SCFD2: variants seen among roughly 807,000 people sequenced by gnomAD.
The protein encoded by SCFD2 is sec1 family domain containing 2, also known as sec1 family domain-containing protein 2.
In SCFD2, 54 loss-of-function variants were observed where a neutral mutation model predicts 58.9. The ratio of observed to expected loss-of-function variants is 0.92; its 90% CI spans 0.74 to 1.15. SCFD2 has a LOEUF of 1.15. Among genes scored for constraint, SCFD2 ranks in the 50% most tolerant of loss-of-function variants. SCFD2 has a pLI of 0.00. For synonymous variants in SCFD2, 321 were observed against 335.9 expected, an observed-to-expected ratio of 0.96 and a Z score of 0.49; for missense variants, 805 against 836.6, an observed-to-expected ratio of 0.96 and a Z score of 0.47.
At chr4:53,035,996 A>G (rs1330535549) in intron 5 of SCFD2, among the ~76,000 whole-genome samples, 1 of 152,162 alleles carries the variant, frequency 6.6e-6, no homozygotes, top group Non-Finnish European at 1.5e-5. Flanking sequence ...AAGGATTATA[A>G]ATCATTCTAC....
intron 4 of SCFD2, among the ~76,000 whole-genome samples, chr4:53,207,984 G>A (rs1169212829): frequency 2.0e-5 from 3 of 148,052 alleles, no homozygotes; most frequent in African/African-American, 5.0e-5. Context: ...CCCATACAAA[G>A]TCTAGCTCTA....
intron 4 of SCFD2, among the ~76,000 whole-genome samples, chr4:53,260,283 G>C (rs1182455623): frequency 6.6e-6 from 1 of 152,110 alleles, no homozygotes; most frequent in Non-Finnish European, 1.5e-5. Flanking sequence ...GAAGTGATGA[G>C]AGTGTGTATC....
At chr4:52,891,397 G>A (rs1718873823) in intron 7 of SCFD2, among the ~76,000 whole-genome samples, 2 of 152,174 alleles carry the variant, frequency 1.3e-5, no homozygotes, top group South Asian at 4.1e-4. Context: ...AGGAAAATCA[G>A]GTGGGGGAGG....
At chr4:53,238,000 G>A (rs1729717217) in intron 4 of SCFD2, among the ~76,000 whole-genome samples, 2 of 133,460 alleles carry the variant, frequency 1.5e-5, no homozygotes, top group African/African-American at 2.9e-5. Flanking sequence ...GGCCGGGCAG[G>A]GGGCTGATCC....
rs1164173493 is a variant in SCFD2 at position 53,145,406 on chromosome 4, T to C, written c.1488A>G (p.Glu496=). Reference sequence around the variant, plus strand: ...CCTGAGCCAATGCTTTCTTGACTTTTTCTTCTGCTTCACACAGGTCTTTGT... The same window carrying C: ...CCTGAGCCAATGCTTTCTTGACTTTCTCTTCTGCTTCACACAGGTCTTTGT... The part of the protein sequence containing the change: ...TVDKDLCEAE[E]KVKKALAQVF... Residue 496 remains glutamate, a synonymous_variant, in exon 5 of 9, where the codon GAA becomes GAG. Transcript: ENST00000401642. The C allele has an allele frequency of 6.2e-7, 1 of 1,614,150 alleles. No homozygotes were observed. Among genetic ancestry groups the C allele is most frequent in the South Asian group, 1.1e-5 (1 of 91,074 alleles).
At chr4:53,163,195 T>C (rs1240422369) in intron 4 of SCFD2, among the ~76,000 whole-genome samples, 2 of 152,204 alleles carry the variant, frequency 1.3e-5, no homozygotes, top group Non-Finnish European at 2.9e-5. Context: ...AATTCTGGAA[T>C]GTTCTCTGCT....
intron 3 of SCFD2, among the ~76,000 whole-genome samples, chr4:53,275,547 C>T (rs1305643027): frequency 2.6e-5 from 4 of 152,140 alleles, no homozygotes; most frequent in African/African-American, 9.7e-5. Context: ...TAAAATTCAG[C>T]CTTTTCTAGT....
At chr4:53,280,025 A>G (rs115541134) in intron 3 of SCFD2, among the ~76,000 whole-genome samples, 1,728 of 152,328 alleles carry the variant, frequency 0.011, 22 homozygotes, top group Non-Finnish European at 0.015. Context: ...ATCAGAAGCT[A>G]TTCTTCCAAT....
At chr4:53,319,268 T>C (rs371552903) in intron 2 of SCFD2, among the ~76,000 whole-genome samples, 2 of 152,222 alleles carry the variant, frequency 1.3e-5, no homozygotes, top group African/African-American at 4.8e-5. Flanking sequence ...AATATCATAC[T>C]ATTCCCCTTG....
intron 7 of SCFD2, among the ~76,000 whole-genome samples, chr4:52,897,448 C>G (rs1308000176): frequency 6.6e-6 from 1 of 152,128 alleles, no homozygotes; most frequent in Non-Finnish European, 1.5e-5. Context: ...TGTTTATAGG[C>G]TGGATTAAGT....
chr4:53,229,718 C>T (rs1473033848), intron 4 of SCFD2, among the ~76,000 whole-genome samples: 1 of 152,186 alleles, frequency 6.6e-6, no homozygotes, highest in Non-Finnish European at 1.5e-5. Flanking sequence ...TGGGCAAGGA[C>T]TTCATGTCTA....
intron 4 of SCFD2, among the ~76,000 whole-genome samples, chr4:53,244,773 G>T (rs1263689134): frequency 6.7e-6 from 1 of 148,154 alleles, no homozygotes; most frequent in Non-Finnish European, 1.5e-5. Flanking sequence ...ACTGAGATGT[G>T]AAAAACCATT....
intron 4 of SCFD2, among the ~76,000 whole-genome samples, chr4:53,156,151 A>G (rs1467168314): frequency 1.3e-5 from 2 of 152,186 alleles, no homozygotes; most frequent in Admixed American, 1.3e-4. Flanking sequence ...TGGGAGGCCC[A>G]GGTGGGTGGA....
chr4:52,969,912 T>C (rs11133238), intron 5 of SCFD2, among the ~76,000 whole-genome samples: 60,730 of 152,068 alleles, frequency 0.4, 12,811 homozygotes, highest in Admixed American at 0.54. Flanking sequence ...CATGCAAAAA[T>C]GAAAATCACT....
At chr4:53,246,322 T>A (rs544945920) in intron 4 of SCFD2, among the ~76,000 whole-genome samples, 3 of 152,350 alleles carry the variant, frequency 2.0e-5, no homozygotes, top group Non-Finnish European at 2.9e-5. Context: ...AATGACATTC[T>A]TTCCAAAACT....
At chr4:52,940,784 G>T (rs1442759304) in intron 5 of SCFD2, among the ~76,000 whole-genome samples, 3 of 152,176 alleles carry the variant, frequency 2.0e-5, no homozygotes, top group African/African-American at 7.2e-5. Flanking sequence ...GACACAAACT[G>T]ATAGAAAGTG....
intron 5 of SCFD2, among the ~76,000 whole-genome samples, chr4:52,984,642 C>G (rs1721448479): frequency 6.6e-6 from 1 of 152,216 alleles, no homozygotes; most frequent in South Asian, 2.1e-4. Context: ...GAATCCTAAA[C>G]AAGTCTAAGT....
At chr4:53,317,554 A>C (rs1163008441) in intron 2 of SCFD2, among the ~76,000 whole-genome samples, 1 of 152,238 alleles carries the variant, frequency 6.6e-6, no homozygotes, top group Non-Finnish European at 1.5e-5. Flanking sequence ...TCCATACTAT[A>C]ATTGCAATAG....
At chr4:53,335,194 C>CA (rs56344451) in intron 2 of SCFD2, among the ~76,000 whole-genome samples, 3,797 of 80,570 alleles carry the variant, frequency 0.047, 254 homozygotes, top group Non-Finnish European at 0.054. Flanking sequence ...GACTCCGTCT[C>CA]AAAAAAAAAA....
Sources: gnomAD v4.1 joint callset for allele counts (sites outside exome capture counted in the v4.1 genomes callset) on GRCh38, gnomAD v4.1.1 for gene constraint, MANE v1.5 for transcripts, NCBI Gene and HGNC (gene_info 2026-07-23, HGNC 2026-07-21) for gene names.